The following INPP5B variants were observed in gnomAD, a reference collection of about 807,000 sequenced individuals.
INPP5B encodes the protein type II inositol 1,4,5-trisphosphate 5-phosphatase.
INPP5B carries 90 observed loss-of-function variants against 118.5 expected under a neutral mutation model. That is an observed-to-expected ratio of 0.76 (90% CI 0.64 to 0.90). The LOEUF is 0.90. INPP5B is among the 40% of genes least tolerant of loss of function. The pLI is 0.00. For missense variants in INPP5B, 984 were observed against 1,125.6 expected (o/e 0.87, Z 1.80); for synonymous variants, 385 against 418.9 (o/e 0.92, Z 0.99).
intron 6 of INPP5B, among the ~76,000 whole-genome samples, chr1:37,936,787 G>C (rs28683126): frequency 6.7e-6 from 1 of 148,448 alleles, no homozygotes; most frequent in African/African-American, 2.5e-5. Context: ...GTCTGGTCTC[G>C]AACCCCTAAC....
intron 7 of INPP5B, among the ~76,000 whole-genome samples, chr1:37,899,502 C>T (rs1030123559): frequency 4.6e-5 from 7 of 151,914 alleles, no homozygotes; most frequent in Non-Finnish European, 8.8e-5. Context: ...GCAGAGGTTG[C>T]GGTGAGCCGA....
rs764471952 is a variant in INPP5B, at chr1:37,888,214, G to A, written c.899+29C>T. The stretch of plus-strand genomic sequence containing the variant: ...ACCACAGCTCTGTGTGCTTGAAGAT[G>A]GAGAGGGGACTAGAAGAGAAGCACT... On this transcript the variant is annotated intron_variant, in intron 10 of 23. Coordinates refer to ENST00000373024, the MANE Select transcript of INPP5B (RefSeq NM_005540.3). 3.0e-6 allele frequency: 4 copies of A among 1,355,858 alleles called. No individual in the cohort carries two copies. The South Asian group carries it at 6.5e-5, about 22-fold the overall frequency. The allele number at this position is 1,355,858 out of a possible 1,614,324, so 84.0% of individuals were successfully genotyped here. A position where few individuals can be genotyped will look rare whatever the true frequency, so the allele number is the denominator to read the frequency against.
intron 7 of INPP5B, among the ~76,000 whole-genome samples, chr1:37,910,911 A>G (rs568104267): frequency 2.0e-5 from 3 of 152,170 alleles, no homozygotes; most frequent in Non-Finnish European, 4.4e-5. Flanking sequence ...AGCTGACCCC[A>G]TAAATCCTAA....
chr1:37,934,327 AT>A (rs1645606277), intron 6 of INPP5B, among the ~76,000 whole-genome samples: 1 of 152,052 alleles, frequency 6.6e-6, no homozygotes, highest in African/African-American at 2.4e-5. Flanking sequence ...ACTTCTTAGT[AT>A]TGTTCAGAAG....
Position 37,871,487 on chromosome 1 carries a change from G to T in INPP5B, c.2187+1443C>A, listed in dbSNP as rs1483859963. ...AAGAAAACAAAACAAAACAAAAAAGGCCAGGCGTGGTGGCTTACACCTGCA... is the reference window on the plus strand; with the variant it reads ...AAGAAAACAAAACAAAACAAAAAAGTCCAGGCGTGGTGGCTTACACCTGCA... On this transcript the variant is annotated intron_variant, in intron 19 of 23. Coordinates refer to ENST00000373024, the MANE Select transcript of INPP5B (RefSeq NM_005540.3). Among the ~76,000 whole-genome samples the T allele has an allele frequency of 2.6e-5, 4 of 151,516 alleles. No homozygotes were observed. The Admixed American group carries it at 2.6e-4, about 10-fold the overall frequency.
In INPP5B at chr1:37,899,367, C is replaced by T. The variant is rs111241840; in HGVS notation, c.533-7913G>A. Reference sequence around the variant, plus strand: ...TCACCTGAGGTTGGGAGTTCGAGACCAGCCTGACCAACATGGAGAAACCCC... The same window carrying T: ...TCACCTGAGGTTGGGAGTTCGAGACTAGCCTGACCAACATGGAGAAACCCC... On this transcript the variant is annotated intron_variant, in intron 7 of 23. Coordinates refer to ENST00000373024, the MANE Select transcript of INPP5B (RefSeq NM_005540.3). Among the ~76,000 whole-genome samples the T allele has an allele frequency of 9.5e-3, 1,437 of 151,360 alleles. 12 individuals carry two copies. Among genetic ancestry groups the T allele is most frequent in the East Asian group, 0.066 (338 of 5,084 alleles).
intron 7 of INPP5B, among the ~76,000 whole-genome samples, chr1:37,923,257 G>A (rs1293103127): frequency 6.6e-6 from 1 of 152,210 alleles, no homozygotes; most frequent in East Asian, 1.9e-4. Flanking sequence ...TTACAAAAAT[G>A]TAGCTGAATG....
At chr1:37,889,782 G>T in intron 8 of INPP5B, 58 bp from the exon 9 acceptor site, 2 of 1,364,020 alleles carry the variant, frequency 1.5e-6, no homozygotes, top group Non-Finnish European at 2.0e-6. Flanking sequence ...CAAAATGAAT[G>T]AATACAAAGC....
intron 5 of INPP5B, chr1:37,941,974 T>TATATATATATATATAAAA (rs1390505203): frequency 1.2e-5 from 1 of 80,926 alleles, no homozygotes; most frequent in Non-Finnish European, 2.6e-5. Context: ...TATATATATA[T>TATATATATATATATAAAA]AAAATAAAAT....
At chr1:37,868,846 A>C (rs1051668614) in intron 19 of INPP5B, among the ~76,000 whole-genome samples, 1 of 152,254 alleles carries the variant, frequency 6.6e-6, no homozygotes, top group Non-Finnish European at 1.5e-5. Context: ...AATATGCACC[A>C]TCTTTTCAGG....
chr1:37,896,774 A>G (rs1570166918), intron 7 of INPP5B, among the ~76,000 whole-genome samples: 13 of 117,318 alleles, frequency 1.1e-4, no homozygotes, highest in South Asian at 3.0e-4. Context: ...GGAGGGAGGG[A>G]GGTGGGGGGG....
At chr1:37,912,368 C>T (rs1464204290) in intron 7 of INPP5B, among the ~76,000 whole-genome samples, 1 of 152,186 alleles carries the variant, frequency 6.6e-6, no homozygotes, top group East Asian at 1.9e-4. Flanking sequence ...AAGTGTTCAC[C>T]CCTACTTTCC....
At chr1:37,876,388 G>C (rs1642806373) in intron 16 of INPP5B, among the ~76,000 whole-genome samples, 1 of 151,362 alleles carries the variant, frequency 6.6e-6, no homozygotes, top group South Asian at 2.1e-4. Flanking sequence ...TTACAGGTGT[G>C]AGGCATTGTA....
At chr1:37,902,135 C>T (rs1644355359) in intron 7 of INPP5B, among the ~76,000 whole-genome samples, 1 of 151,902 alleles carries the variant, frequency 6.6e-6, no homozygotes, top group Non-Finnish European at 1.5e-5. Context: ...CACAGGCATG[C>T]ACCACCACGC....
At chr1:37,914,230 C>A (rs961760142) in intron 7 of INPP5B, among the ~76,000 whole-genome samples, 12 of 152,158 alleles carry the variant, frequency 7.9e-5, no homozygotes, top group African/African-American at 2.7e-4. Flanking sequence ...AAAACGGCAA[C>A]CAGTAGCCCT....
chr1:37,910,717 T>C (rs1306247299), intron 7 of INPP5B, among the ~76,000 whole-genome samples: 6 of 152,158 alleles, frequency 3.9e-5, no homozygotes, highest in African/African-American at 1.2e-4. Context: ...TTAAAGCCTA[T>C]AAACTCTCCT....
chr1:37,906,196 C>T (rs1421903853), intron 7 of INPP5B, among the ~76,000 whole-genome samples: 1 of 152,140 alleles, frequency 6.6e-6, no homozygotes. Context: ...AAACTGGCCT[C>T]ATACCTTGGC....
At chr1:37,868,686 G>C in intron 19 of INPP5B, 72 bp from the exon 20 acceptor site, 1 of 936,224 alleles carries the variant, frequency 1.1e-6, no homozygotes, top group Non-Finnish European at 1.8e-6. Flanking sequence ...CATGGGGACA[G>C]CAAACCCACA....
At chr1:37,938,001 G>A (rs1388604536) in intron 6 of INPP5B, among the ~76,000 whole-genome samples, 1 of 148,316 alleles carries the variant, frequency 6.7e-6, no homozygotes, top group African/African-American at 2.5e-5. Context: ...AGCTGGACAC[G>A]GTGGCTCATG....
Sources: allele counts gnomAD v4.1 joint callset (sites outside exome capture counted in the v4.1 genomes callset), GRCh38; gene constraint gnomAD v4.1.1; transcripts MANE v1.5; gene names NCBI Gene and HGNC (gene_info 2026-07-23, HGNC 2026-07-21).